Variants in MIA2 observed in about 807,000 individuals in gnomAD.
MIA2 encodes melanoma inhibitory activity protein 2.
In MIA2, 127 loss-of-function variants were observed where a neutral mutation model predicts 167.8. That is an observed-to-expected ratio of 0.76 (90% CI 0.66 to 0.88). MIA2 has a LOEUF of 0.88. Among genes scored for constraint, MIA2 ranks in the 40% least tolerant of loss-of-function variants. The pLI is 0.00. For synonymous variants in MIA2, 552 were observed against 541.9 expected (o/e 1.02, Z -0.26); for missense variants, 1,690 against 1,624.7 (o/e 1.04, Z -0.69).
In MIA2 at chr14:39,246,908, T is replaced by G. The variant is rs1368527083; in HGVS notation, c.337-3T>G. 1.5e-5 allele frequency: 22 copies of G among 1,484,836 alleles called. No homozygotes were observed. In the Admixed American group the frequency reaches 4.3e-4, roughly 29 times the overall value. 92.0% of individuals were successfully genotyped at this position (1,484,836 alleles called of 1,614,324 possible). A position where few individuals can be genotyped will look rare whatever the true frequency, so the allele number is the denominator to read the frequency against. On this transcript the variant is annotated splice_region_variant and splice_polypyrimidine_tract_variant and intron_variant, in intron 3 of 28. Coordinates refer to ENST00000640607, the MANE Select transcript of MIA2 (RefSeq NM_001329214.4). The stretch of plus-strand genomic sequence containing the variant: ...TAATCATATATATATTTTTTCCTTT[T>G]AGGAATCTGACTTTCTTTGTCTTCT...
rs1310775176 is a variant in MIA2, at chr14:39,302,191, GGAT to G, written c.2689_2691del (p.Asp897del). 6.2e-7 allele frequency: 1 copy of G among 1,613,848 alleles called. No individual in the cohort carries two copies. The stretch of plus-strand genomic sequence containing the variant: ...CTGCTATGCTTGGAGAAGACATAAC[GGAT>G]GATGATAACTTGGAATTAGAAATGA... On this transcript the variant is annotated inframe_deletion, in exon 15 of 29. Coordinates refer to ENST00000640607, the MANE Select transcript of MIA2 (RefSeq NM_001329214.4).
intron 25 of MIA2, among the ~76,000 whole-genome samples, chr14:39,342,581 T>A (rs11157061): frequency 1.3e-5 from 2 of 152,064 alleles, no homozygotes; most frequent in East Asian, 3.9e-4. Context: ...CCTGAGGAAT[T>A]GCCACACTGA....
chr14:39,377,127 T>A (rs1356402283), intron 23 of MIA2, among the ~76,000 whole-genome samples: 1 of 152,132 alleles, frequency 6.6e-6, no homozygotes, highest in East Asian at 1.9e-4. Flanking sequence ...TGATCTTTTG[T>A]GGCTAGGACA....
intron 4 of MIA2, 111 bp from the exon 5 acceptor site, chr14:39,252,637 A>T (rs1459607877): frequency 2.8e-6 from 2 of 701,966 alleles, no homozygotes; most frequent in East Asian, 5.1e-5. Context: ...TTAACGAAGT[A>T]TCATAATGAC....
intron 23 of MIA2, among the ~76,000 whole-genome samples, chr14:39,377,599 A>G (rs1175698447): frequency 1.3e-5 from 2 of 152,228 alleles, no homozygotes; most frequent in Admixed American, 6.5e-5. Flanking sequence ...GTATACTATA[A>G]TTTAATTTGA....
At chr14:39,306,498 C>T (rs1327318319) in intron 17 of MIA2, among the ~76,000 whole-genome samples, 2 of 152,068 alleles carry the variant, frequency 1.3e-5, no homozygotes, top group African/African-American at 4.8e-5. Context: ...GGGGAGACAG[C>T]GCTAGGAGGA....
At chr14:39,326,835 G>C (rs746970585) in intron 24 of MIA2, 29 bp from the exon 25 acceptor site, 1 of 1,473,806 alleles carries the variant, frequency 6.8e-7, no homozygotes, top group South Asian at 1.3e-5. Context: ...AGATGAAACA[G>C]ATTTGTATGT....
At chr14:39,288,477 T>A (rs868494088) in intron 9 of MIA2, among the ~76,000 whole-genome samples, 39 of 61,750 alleles carry the variant, frequency 6.3e-4, no homozygotes, top group Non-Finnish European at 1.1e-3. Context: ...ATATATATAT[T>A]TTTTTTTTTT....
intron 21 of MIA2, among the ~76,000 whole-genome samples, chr14:39,316,264 A>C (rs2065415601): frequency 6.6e-6 from 1 of 152,196 alleles, no homozygotes; most frequent in Admixed American, 6.5e-5. Context: ...ATTTTGACTA[A>C]TTATAAGAAA....
At chr14:39,318,399 G>A (rs2065868049) in intron 22 of MIA2, among the ~76,000 whole-genome samples, 1 of 152,012 alleles carries the variant, frequency 6.6e-6, no homozygotes, top group Non-Finnish European at 1.5e-5. Flanking sequence ...TCATTTCCTG[G>A]TTTTGTAGTA....
chr14:39,240,089 A>G (rs188251349), intron 2 of MIA2, among the ~76,000 whole-genome samples: 9 of 152,228 alleles, frequency 5.9e-5, no homozygotes, highest in African/African-American at 1.4e-4. Context: ...GGACTTGTAG[A>G]CCTTTACTAT....
chr14:39,338,677 A>G (rs1438686937), intron 25 of MIA2, among the ~76,000 whole-genome samples: 1 of 152,238 alleles, frequency 6.6e-6, no homozygotes, highest in East Asian at 1.9e-4. Context: ...CTAACCTGCA[A>G]CAAAAATTTA....
chr14:39,263,989 G>T (rs2055286944), intron 6 of MIA2, among the ~76,000 whole-genome samples: 1 of 152,062 alleles, frequency 6.6e-6, no homozygotes, highest in Admixed American at 6.6e-5. Flanking sequence ...TACATGTACA[G>T]GTTTGTTACA....
intron 2 of MIA2, chr14:39,237,394 C>T: frequency 3.3e-6 from 1 of 306,516 alleles, no homozygotes; most frequent in Non-Finnish European, 6.4e-6. Flanking sequence ...TCCCAAAGTG[C>T]CAGGATTACA....
In MIA2 at chr14:39,290,143, A is replaced by G. The variant is rs1280587080; in HGVS notation, c.2131-876A>G. ...GTTCATCTGACTTGGCAGGTCCTGA[A>G]CTCCAAGTGTTTTTTCTCAGCTTCT... On this transcript the variant is annotated intron_variant, in intron 9 of 28. Transcript: ENST00000640607. 2.6e-5 allele frequency among the ~76,000 whole-genome samples: 4 copies of G among 151,960 alleles called. No individual in the cohort carries two copies. The East Asian group carries it at 7.7e-4, about 29-fold the overall frequency.
At chr14:39,353,534 T>A (rs2074445860), downstream of MIA2, among the ~76,000 whole-genome samples, 1 of 152,228 alleles carries the variant, frequency 6.6e-6, no homozygotes, top group Admixed American at 6.5e-5. Flanking sequence ...TCATTTTTTA[T>A]GACTGAATAG....
chr14:39,374,773 G>A (rs1289143059), intron 23 of MIA2, among the ~76,000 whole-genome samples: 1 of 152,190 alleles, frequency 6.6e-6, no homozygotes, highest in East Asian at 1.9e-4. Flanking sequence ...TAGCCTCTGC[G>A]ATTACTTGCA....
At chr14:39,358,307 C>G (rs1311236824) in intron 23 of MIA2, among the ~76,000 whole-genome samples, 4 of 152,138 alleles carry the variant, frequency 2.6e-5, no homozygotes. Flanking sequence ...TTCATTTAAT[C>G]TTCCATCACT....
chr14:39,358,190 C>G (rs1043776928), intron 23 of MIA2, among the ~76,000 whole-genome samples: 34 of 152,210 alleles, frequency 2.2e-4, no homozygotes, highest in Non-Finnish European at 1.8e-4. Context: ...TCAGGTACAC[C>G]AATCAGACAT....
Sources: gnomAD v4.1 joint callset for allele counts (sites outside exome capture counted in the v4.1 genomes callset) on GRCh38, gnomAD v4.1.1 for gene constraint, MANE v1.5 for transcripts, NCBI Gene and HGNC (gene_info 2026-07-23, HGNC 2026-07-21) for gene names.